Variants in DAZL observed in about 807,000 individuals in gnomAD.
DAZL encodes deleted in azoospermia like.
DAZL carries 4 observed loss-of-function variants against 45.0 expected under a neutral mutation model. The ratio of observed to expected loss-of-function variants is 0.09; its 90% CI spans 0.04 to 0.20. DAZL has a LOEUF of 0.20. Among genes scored for constraint, DAZL ranks in the 10% least tolerant of loss-of-function variants. The pLI is 1.00. For missense variants in DAZL, 326 were observed against 351.3 expected, an observed-to-expected ratio of 0.93 and a Z score of 0.58; for synonymous variants, 122 against 112.4, an observed-to-expected ratio of 1.09 and a Z score of -0.54.
In DAZL at chr3:16,596,739, G is replaced by A. The variant is rs1202281000; in HGVS notation, c.498+11C>T. ...ATAAACAAGAGAATAGGAACGTTAAGCAATTCTTACCTGAACATACTGAGT... is the reference window on the plus strand; with the variant it reads ...ATAAACAAGAGAATAGGAACGTTAAACAATTCTTACCTGAACATACTGAGT... On this transcript the variant is annotated intron_variant, in intron 6 of 10. Transcript: ENST00000399444. 1.9e-6 allele frequency: 3 copies of A among 1,613,170 alleles called. No homozygotes were observed. In the Admixed American group the frequency reaches 5.0e-5, roughly 27 times the overall value.
Position 16,598,443 on chromosome 3 carries a change from A to T in DAZL, c.150+9T>A. On this transcript the variant is annotated intron_variant, in intron 2 of 10. Coordinates refer to ENST00000399444, the MANE Select transcript of DAZL (RefSeq NM_001351.4). ...ATTTCAAGGTAAAAATGAGGTATGA[A>T]TACAATACCCTAACATCAATTCCTC... 2 of 1,606,560 alleles carry T rather than the reference A, an allele frequency of 1.2e-6. No individual in the cohort carries two copies. The highest frequency in any genetic ancestry group is 1.7e-6 in the Non-Finnish European group (2 of 1,176,290).
At chr3:16,604,774 C>A in intron 1 of DAZL, 1 of 1,340,774 alleles carries the variant, frequency 7.5e-7, no homozygotes, top group Non-Finnish European at 9.5e-7. Flanking sequence ...GCTGGCGGGG[C>A]GGAGGCGCGT....
Position 16,605,412 on chromosome 3 carries a change from C to A in DAZL, c.-207G>T. On this transcript the variant is annotated 5_prime_UTR_variant, in exon 1 of 11. Coordinates refer to ENST00000399444, the MANE Select transcript of DAZL (RefSeq NM_001351.4). ...AAAGGCGGACCGTCAGGCTGAGGAG[C>A]GCAGGCGGACTGAGGCGTGGTCCGC... is the stretch of plus-strand genomic sequence containing the variant. 1.5e-6 allele frequency: 1 copy of A among 655,866 alleles called. No individual in the cohort carries two copies. Among genetic ancestry groups the A allele is most frequent in the East Asian group, 2.7e-5 (1 of 36,618 alleles). 40.6% of individuals were successfully genotyped at this position (655,866 alleles called of 1,614,324 possible).
At chr3:16,591,786 C>G (rs1694522545) in intron 10 of DAZL, among the ~76,000 whole-genome samples, 1 of 152,174 alleles carries the variant, frequency 6.6e-6, no homozygotes, top group South Asian at 2.1e-4. Context: ...TCAAGCCAGT[C>G]AACTAACTCT....
intron 1 of DAZL, chr3:16,604,359 A>T: frequency 1.6e-6 from 2 of 1,257,574 alleles, no homozygotes; most frequent in Non-Finnish European, 2.2e-6. Flanking sequence ...TTGTCAAAGG[A>T]TCCTGGTTTA....
At chr3:16,591,222 CAT>C (rs975124662) in intron 10 of DAZL, among the ~76,000 whole-genome samples, 28 of 152,208 alleles carry the variant, frequency 1.8e-4, no homozygotes, top group Admixed American at 1.3e-3. Flanking sequence ...ATCTATCCAA[CAT>C]GGATAGACGG....
intron 10 of DAZL, among the ~76,000 whole-genome samples, chr3:16,591,206 A>C (rs1361397423): frequency 1.3e-5 from 2 of 152,246 alleles, no homozygotes; most frequent in Non-Finnish European, 2.9e-5. Context: ...AGTCTTAATA[A>C]GATTTATCTA....
chr3:16,604,617 A>AC, intron 1 of DAZL: 21 of 1,006,306 alleles, frequency 2.1e-5, no homozygotes, highest in Non-Finnish European at 2.6e-5. Context: ...TGAGGCCCCC[A>AC]CGAACCCCGC....
intron 7 of DAZL, among the ~76,000 whole-genome samples, chr3:16,594,955 G>C (rs1178395503): frequency 6.6e-6 from 1 of 152,000 alleles, no homozygotes; most frequent in Non-Finnish European, 1.5e-5. Flanking sequence ...TGAATTCTGT[G>C]CTCTAAGAAT....
At chr3:16,591,041 T>A (rs1397246347) in intron 10 of DAZL, among the ~76,000 whole-genome samples, 2 of 152,202 alleles carry the variant, frequency 1.3e-5, no homozygotes, top group African/African-American at 4.8e-5. Flanking sequence ...TCAATAAACC[T>A]ATTATTTAAA....
intron 1 of DAZL, among the ~76,000 whole-genome samples, chr3:16,600,912 G>C (rs1482345727): frequency 6.6e-6 from 1 of 152,144 alleles, no homozygotes; most frequent in Non-Finnish European, 1.5e-5. Flanking sequence ...ATTTAACAAC[G>C]TTTAGAGATT....
At chr3:16,596,152 T>C (rs1353970894) in intron 6 of DAZL, among the ~76,000 whole-genome samples, 1 of 152,064 alleles carries the variant, frequency 6.6e-6, no homozygotes, top group Non-Finnish European at 1.5e-5. Context: ...GCAAAGACAA[T>C]GTCTTTTAAA....
At chr3:16,594,609 A>G (rs1490579681) in intron 7 of DAZL, 26 bp from the exon 8 acceptor site, 4 of 1,526,036 alleles carry the variant, frequency 2.6e-6, no homozygotes, top group Non-Finnish European at 2.7e-6. Context: ...AAGGAAACCA[A>G]AATTATTCAA....
chr3:16,598,332 C>T, intron 2 of DAZL, 120 bp downstream of exon 2: 1 of 1,467,118 alleles, frequency 6.8e-7, no homozygotes, highest in Non-Finnish European at 9.4e-7. Flanking sequence ...ACCTATGGGT[C>T]AAATGTAAAA....
At chr3:16,603,992 G>A (rs1694734446) in intron 1 of DAZL, among the ~76,000 whole-genome samples, 1 of 152,144 alleles carries the variant, frequency 6.6e-6, no homozygotes, top group Non-Finnish European at 1.5e-5. Flanking sequence ...ATAATCCAAT[G>A]AAACAATTCG....
intron 10 of DAZL, among the ~76,000 whole-genome samples, chr3:16,590,328 A>G (rs1271911741): frequency 7.7e-6 from 1 of 129,996 alleles, no homozygotes; most frequent in African/African-American, 2.5e-5. Flanking sequence ...TACATTATAC[A>G]GGAGATCCAT....
rs984486167 is a variant in DAZL at position 16,604,845 on chromosome 3, G to C, written c.3+358C>G. ...GAGCGCGTGGGAGTGGGGGCGGGGT[G>C]GGGCAGTCGGGGGTGGGGAACCCGC... On this transcript the variant is annotated intron_variant, in intron 1 of 10. Transcript: ENST00000399444. The C allele has an allele frequency of 6.5e-6, 5 of 772,674 alleles. No individual in the cohort carries two copies. The African/African-American group carries it at 8.8e-5, about 14-fold the overall frequency. The allele number at this position is 772,674 out of a possible 1,614,324, so 47.9% of individuals were successfully genotyped here.
At chr3:16,600,670 T>C (rs1280358045) in intron 1 of DAZL, among the ~76,000 whole-genome samples, 1 of 152,258 alleles carries the variant, frequency 6.6e-6, no homozygotes, top group Non-Finnish European at 1.5e-5. Context: ...AAATAAATTC[T>C]GAAATTCTTG....
In DAZL at chr3:16,588,589, T is replaced by G; in HGVS notation, c.*71A>C. The G allele has an allele frequency of 8.2e-7, 1 of 1,214,302 alleles. No individual in the cohort carries two copies. The highest frequency in any genetic ancestry group is 1.2e-5 in the South Asian group (1 of 82,856). 75.2% of individuals were successfully genotyped at this position (1,214,302 alleles called of 1,614,324 possible). ...GATTTACCAAAATTCAGAATTTCTA[T>G]AATAGTGGAAACCTTTTAGCTTAAT... On this transcript the variant is annotated 3_prime_UTR_variant, in exon 11 of 11. Transcript: ENST00000399444.
Sources: gnomAD v4.1 joint callset for allele counts (sites outside exome capture counted in the v4.1 genomes callset) on GRCh38, gnomAD v4.1.1 for gene constraint, MANE v1.5 for transcripts, NCBI Gene and HGNC (gene_info 2026-07-23, HGNC 2026-07-21) for gene names.